The following ARHGEF38 variants were observed in gnomAD, a reference collection of about 807,000 sequenced individuals.
ARHGEF38 encodes the protein Rho guanine nucleotide exchange factor (GEF) 38.
In ARHGEF38, 79 loss-of-function variants were observed where a neutral mutation model predicts 79.9. That is an observed-to-expected ratio of 0.99 (90% CI 0.82 to 1.19). ARHGEF38 has a LOEUF of 1.19. Ranked by LOEUF, ARHGEF38 falls within the 50% of genes most tolerant of loss-of-function variation. The probability of loss-of-function intolerance (pLI) is 0.00; values close to 1 mark genes in which losing one functional copy is unlikely to be tolerated. For synonymous variants in ARHGEF38, 366 were observed against 328.3 expected (o/e 1.11, Z -1.24); for missense variants, 962 against 907.2 (o/e 1.06, Z -0.78).
At chr4:105,577,552 TTTG>T (rs535037729) in intron 1 of ARHGEF38, among the ~76,000 whole-genome samples, 4 of 151,712 alleles carry the variant, frequency 2.6e-5, no homozygotes, top group East Asian at 1.9e-4. Flanking sequence ...GTCCTGGGTT[TTTG>T]TTGTTGTTGT....
At chr4:105,645,787 G>A (rs1051087805) in intron 6 of ARHGEF38, among the ~76,000 whole-genome samples, 1 of 152,176 alleles carries the variant, frequency 6.6e-6, no homozygotes, top group Non-Finnish European at 1.5e-5. Flanking sequence ...GAAGATCTAG[G>A]TGACAGAGGC....
intron 3 of ARHGEF38, among the ~76,000 whole-genome samples, chr4:105,627,469 A>G (rs1013452544): frequency 3.9e-5 from 6 of 152,200 alleles, no homozygotes; most frequent in African/African-American, 1.4e-4. Context: ...GAGTCATGGT[A>G]TCCAGACATA....
intron 3 of ARHGEF38, among the ~76,000 whole-genome samples, chr4:105,620,497 C>G (rs1489443316): frequency 6.6e-6 from 1 of 152,118 alleles, no homozygotes; most frequent in Non-Finnish European, 1.5e-5. Flanking sequence ...AAATTATTAT[C>G]CCAAGAATAT....
intron 3 of ARHGEF38, among the ~76,000 whole-genome samples, chr4:105,627,424 A>G (rs976566667): frequency 2.6e-5 from 4 of 152,178 alleles, no homozygotes; most frequent in Admixed American, 6.5e-5. Flanking sequence ...GCATATGTTT[A>G]TTCACATCAG....
intron 9 of ARHGEF38, among the ~76,000 whole-genome samples, chr4:105,658,223 T>C (rs1730415505): frequency 1.3e-5 from 2 of 152,042 alleles, no homozygotes; most frequent in African/African-American, 2.4e-5. Flanking sequence ...TCTTGGGCAA[T>C]AGAGTGAGAC....
chr4:105,667,673 T>C lies in ARHGEF38; in HGVS notation c.2118T>C (p.Asp706=). Residue 706 remains aspartate (D), a synonymous_variant, in exon 13 of 14, where the codon GAT becomes GAC. Coordinates refer to ENST00000420470, the MANE Select transcript of ARHGEF38 (RefSeq NM_001242729.2). ...GAAAGTTTGAAACAAATGGTACTGA[T>C]GTTGACAGTTTTCAAGAAGTAGACG... ...TCGKFETNGT[D]VDSFQEVDEQ... 2 of 1,536,252 alleles carry C rather than the reference T, an allele frequency of 1.3e-6. No individual in the cohort carries two copies. The highest frequency in any genetic ancestry group is 1.7e-6 in the Non-Finnish European group (2 of 1,146,936).
chr4:105,647,373 T>C (rs1233483338), intron 6 of ARHGEF38, among the ~76,000 whole-genome samples: 3 of 152,302 alleles, frequency 2.0e-5, no homozygotes, highest in African/African-American at 7.2e-5. Context: ...AACTTAATCG[T>C]ATATCATGAA....
At chr4:105,554,194 T>A (rs1470877023) in intron 1 of ARHGEF38, among the ~76,000 whole-genome samples, 1 of 152,158 alleles carries the variant, frequency 6.6e-6, no homozygotes, top group African/African-American at 2.4e-5. Flanking sequence ...AAAGAATGGA[T>A]GTCTTAAAAT....
chr4:105,586,942 A>C (rs1448972479), intron 1 of ARHGEF38, among the ~76,000 whole-genome samples: 1 of 149,390 alleles, frequency 6.7e-6, no homozygotes, highest in East Asian at 2.0e-4. Flanking sequence ...TGTATAATAC[A>C]TCAAAATATT....
intron 3 of ARHGEF38, among the ~76,000 whole-genome samples, chr4:105,622,250 A>C (rs75694141): frequency 8.5e-5 from 13 of 152,212 alleles, no homozygotes; most frequent in African/African-American, 3.1e-4. Context: ...GGAGTATTGG[A>C]GAGTTGAGGT....
At chr4:105,583,712 AT>A (rs1029992445) in intron 1 of ARHGEF38, among the ~76,000 whole-genome samples, 15 of 150,786 alleles carry the variant, frequency 9.9e-5, no homozygotes, top group East Asian at 7.8e-4. Flanking sequence ...AAGGAAAGGA[AT>A]TTTTTTTTTA....
intron 13 of ARHGEF38, among the ~76,000 whole-genome samples, chr4:105,675,393 C>A (rs527985508): frequency 6.6e-6 from 1 of 152,262 alleles, no homozygotes; most frequent in Non-Finnish European, 1.5e-5. Context: ...GCTACCACTC[C>A]ATTGCTAAAG....
intron 2 of ARHGEF38, among the ~76,000 whole-genome samples, chr4:105,606,915 C>A (rs1728067483): frequency 6.6e-6 from 1 of 152,018 alleles, no homozygotes; most frequent in South Asian, 2.1e-4. Flanking sequence ...CTTTTACTTT[C>A]TTTTGTCTAC....
intron 2 of ARHGEF38, among the ~76,000 whole-genome samples, chr4:105,607,148 T>C (rs538275435): frequency 1.3e-5 from 2 of 152,108 alleles, no homozygotes; most frequent in Non-Finnish European, 2.9e-5. Flanking sequence ...TAAACAGGCA[T>C]GTCGCAGGTG....
At chr4:105,553,020 G>C (rs746186537) in intron 1 of ARHGEF38, 59 bp downstream of exon 1, 12 of 1,354,460 alleles carry the variant, frequency 8.9e-6, no homozygotes, top group African/African-American at 1.5e-5. Flanking sequence ...TTTCTGCTAC[G>C]TTTCCAATTG....
At chr4:105,627,735 C>A (rs1338544959) in intron 3 of ARHGEF38, among the ~76,000 whole-genome samples, 1 of 152,108 alleles carries the variant, frequency 6.6e-6, no homozygotes, top group East Asian at 1.9e-4. Flanking sequence ...CCTAATCATC[C>A]CCTCAAACCC....
chr4:105,652,969 T>C (rs1578349912), intron 7 of ARHGEF38, among the ~76,000 whole-genome samples: 1 of 152,238 alleles, frequency 6.6e-6, no homozygotes, highest in Non-Finnish European at 1.5e-5. Context: ...AGCACTGCTA[T>C]GGTTATCACC....
chr4:105,577,006 A>T (rs1486674191), intron 1 of ARHGEF38, among the ~76,000 whole-genome samples: 1 of 152,094 alleles, frequency 6.6e-6, no homozygotes, highest in Non-Finnish European at 1.5e-5. Flanking sequence ...TTGCTGTTAG[A>T]TTCAGCTAGC....
intron 1 of ARHGEF38, among the ~76,000 whole-genome samples, chr4:105,565,775 C>A (rs1018255754): frequency 2.0e-5 from 3 of 152,006 alleles, no homozygotes; most frequent in African/African-American, 7.3e-5. Context: ...TGCTCTTTTC[C>A]TGTTGTTCCC....
Sources: gnomAD v4.1 joint callset for allele counts (sites outside exome capture counted in the v4.1 genomes callset) on GRCh38, gnomAD v4.1.1 for gene constraint, MANE v1.5 for transcripts, NCBI Gene and HGNC (gene_info 2026-07-23, HGNC 2026-07-21) for gene names.